FCRL2: variants seen among roughly 807,000 people sequenced by gnomAD.
FCRL2 encodes the protein Fc receptor like 2, also known as Fc receptor-like protein 2.
FCRL2 carries 48 observed loss-of-function variants against 59.8 expected under a neutral mutation model. The ratio of observed to expected loss-of-function variants is 0.80; its 90% CI spans 0.64 to 1.02. The LOEUF is 1.02. FCRL2 is among the 50% of genes least tolerant of loss of function. The probability of loss-of-function intolerance (pLI) is 0.00; values close to 1 mark genes in which losing one functional copy is unlikely to be tolerated. For missense variants in FCRL2, 658 were observed against 597.3 expected (o/e 1.10, Z -1.06); for synonymous variants, 251 against 229.5 (o/e 1.09, Z -0.85).
intron 5 of FCRL2, chr1:157,767,775 A>G (rs1011145647): frequency 1.2e-4 from 154 of 1,266,262 alleles, no homozygotes; most frequent in Non-Finnish European, 1.5e-4. Context: ...AGCCCTCTTC[A>G]TATTTCTTTT....
chr1:157,768,625 C>T lies in FCRL2; in HGVS notation c.672G>A (p.Leu224=), dbSNP rs765602929. ...GQVTEGQKLI[L]LCSVAGGTGN... ...CTGTACCCCCAGCCACTGAGCAGAGCAGGATCAGTTTTTGTCCTTCAGTCA... is the reference window on the plus strand; with the variant it reads ...CTGTACCCCCAGCCACTGAGCAGAGTAGGATCAGTTTTTGTCCTTCAGTCA... The change falls in exon 5 of 12, where the codon CTG becomes CTA. Residue 224 remains leucine, a synonymous_variant. Coordinates refer to ENST00000361516, the MANE Select transcript of FCRL2 (RefSeq NM_030764.4). 1.2e-6 allele frequency: 2 copies of T among 1,614,060 alleles called. No individual in the cohort carries two copies. The highest frequency in any genetic ancestry group is 1.1e-5 in the South Asian group (1 of 91,088).
rs536333378 is a variant in FCRL2, at chr1:157,749,753, C to T, written c.1280-76G>A. On this transcript the variant is annotated intron_variant, in intron 7 of 11. Transcript: ENST00000361516. ...TTAAAATTTTGACATGATTTAACTACGTATAATCAGCTGGTAAGACATAAG... is the reference window on the plus strand; with the variant it reads ...TTAAAATTTTGACATGATTTAACTATGTATAATCAGCTGGTAAGACATAAG... The T allele has an allele frequency of 1.6e-4, 178 of 1,106,528 alleles. No individual in the cohort carries two copies. The East Asian group carries it at 2.3e-3, about 14-fold the overall frequency. 68.5% of individuals were successfully genotyped at this position (1,106,528 alleles called of 1,614,324 possible).
chr1:157,756,595 C>T (rs1424090567), intron 7 of FCRL2, among the ~76,000 whole-genome samples: 2 of 151,830 alleles, frequency 1.3e-5, no homozygotes, highest in African/African-American at 4.8e-5. Context: ...AAGAGGATCA[C>T]CTGAACTTGG....
intron 7 of FCRL2, among the ~76,000 whole-genome samples, chr1:157,755,944 T>G (rs12083047): frequency 1.3e-5 from 2 of 152,338 alleles, no homozygotes; most frequent in Admixed American, 6.5e-5. Context: ...ACTGTCATAT[T>G]CTTTGATATT....
In FCRL2 at chr1:157,769,993, C is replaced by A; in HGVS notation, c.468G>T (p.Trp156Cys). 6.2e-7 allele frequency: 1 copy of A among 1,614,156 alleles called. No homozygotes were observed. The highest frequency in any genetic ancestry group is 8.5e-7 in the Non-Finnish European group (1 of 1,180,032). ...FRENQVLGSGWSSSPELQISA... is the reference protein window; with the variant it reads ...FRENQVLGSGCSSSPELQISA... ...AAATCTGGAGCTCCGGAGAGCTGCT[C>A]CAGCCTGACCCCAGGACCTGGTTTT... The change falls in exon 4 of 12, where the codon TGG becomes TGT. Residue 156 changes from tryptophan to cysteine, a missense_variant. Trp to Cys is a radical substitution (Grantham distance 215). Coordinates refer to ENST00000361516, the MANE Select transcript of FCRL2 (RefSeq NM_030764.4).
intron 10 of FCRL2, among the ~76,000 whole-genome samples, chr1:157,748,023 T>C (rs963085272): frequency 1.3e-5 from 2 of 152,098 alleles, no homozygotes; most frequent in African/African-American, 2.4e-5. Flanking sequence ...TCACCCTATT[T>C]TTTTTTTTAA....
chr1:157,755,629 A>C (rs1382041427), intron 7 of FCRL2, among the ~76,000 whole-genome samples: 1 of 152,354 alleles, frequency 6.6e-6, no homozygotes, highest in Non-Finnish European at 1.5e-5. Context: ...ATCAATAGGT[A>C]ATCATTAACA....
Position 157,745,983 on chromosome 1 carries a change from C to A in FCRL2, c.*753G>T. 1 of 152,118 alleles carries A rather than the reference C, an allele frequency of 6.6e-6. No homozygotes were observed. Among genetic ancestry groups the A allele is most frequent in the Non-Finnish European group, 1.5e-5 (1 of 68,020 alleles). 9.4% of individuals were successfully genotyped at this position (152,118 alleles called of 1,614,324 possible). A position where few individuals can be genotyped will look rare whatever the true frequency, so the allele number is the denominator to read the frequency against. ...AGTCGATGCACATAAAGAAGAAAATCTGGAGGAAACGGCTAAATTCCTGGA... is the reference window on the plus strand; with the variant it reads ...AGTCGATGCACATAAAGAAGAAAATATGGAGGAAACGGCTAAATTCCTGGA... On this transcript the variant is annotated 3_prime_UTR_variant, in exon 12 of 12. Coordinates refer to ENST00000361516, the MANE Select transcript of FCRL2 (RefSeq NM_030764.4).
At chr1:157,754,629 T>C (rs1179172440) in intron 7 of FCRL2, among the ~76,000 whole-genome samples, 1 of 151,880 alleles carries the variant, frequency 6.6e-6, no homozygotes, top group Non-Finnish European at 1.5e-5. Flanking sequence ...CAGTAACAGA[T>C]GGATCAAAAA....
chr1:157,772,943 G>A (rs888690445), intron 2 of FCRL2, among the ~76,000 whole-genome samples: 1 of 151,990 alleles, frequency 6.6e-6, no homozygotes, highest in African/African-American at 2.4e-5. Flanking sequence ...TGCCCACACT[G>A]GTGCCAAGCC....
At chr1:157,759,961 T>C (rs1648895592) in intron 7 of FCRL2, among the ~76,000 whole-genome samples, 1 of 152,222 alleles carries the variant, frequency 6.6e-6, no homozygotes, top group Non-Finnish European at 1.5e-5. Flanking sequence ...CAAAGGAATA[T>C]AAATCGTTCT....
chr1:157,772,811 C>T (rs1288223512), intron 2 of FCRL2, among the ~76,000 whole-genome samples: 1 of 152,192 alleles, frequency 6.6e-6, no homozygotes, highest in East Asian at 1.9e-4. Flanking sequence ...CCACTCCTTG[C>T]ACTGAAAGCA....
At chr1:157,770,243 C>A in intron 3 of FCRL2, 93 bp from the exon 4 acceptor site, 1 of 1,495,496 alleles carries the variant, frequency 6.7e-7, no homozygotes, top group South Asian at 1.3e-5. Flanking sequence ...GCAAACAGGA[C>A]ATTCAGAGCT....
At chr1:157,762,686 A>T (rs540073321) in intron 7 of FCRL2, among the ~76,000 whole-genome samples, 2 of 152,276 alleles carry the variant, frequency 1.3e-5, no homozygotes, top group African/African-American at 4.8e-5. Context: ...GAATTTTTTA[A>T]ATGGCAAGGG....
intron 7 of FCRL2, among the ~76,000 whole-genome samples, chr1:157,758,861 T>A (rs551919909): frequency 6.6e-6 from 1 of 152,264 alleles, no homozygotes; most frequent in East Asian, 1.9e-4. Context: ...GCTGATGGGA[T>A]AACTGGCTAA....
chr1:157,750,650 G>A (rs1306387464), intron 7 of FCRL2, among the ~76,000 whole-genome samples: 1 of 152,190 alleles, frequency 6.6e-6, no homozygotes, highest in Non-Finnish European at 1.5e-5. Flanking sequence ...AGTTTTCCAA[G>A]GAGAAGGTAA....
At chr1:157,746,825 G>C in intron 11 of FCRL2, 46 bp downstream of exon 11, 1 of 1,613,732 alleles carries the variant, frequency 6.2e-7, no homozygotes, top group South Asian at 1.1e-5. Flanking sequence ...AAAATAAATA[G>C]GGAGAAGGAA....
chr1:157,767,816 G>A, intron 5 of FCRL2: 1 of 841,106 alleles, frequency 1.2e-6, no homozygotes, highest in Non-Finnish European at 1.7e-6. Context: ...TTTTTTATTA[G>A]GAAATAATTT....
At chr1:157,756,333 T>C (rs11807382) in intron 7 of FCRL2, among the ~76,000 whole-genome samples, 5,878 of 152,302 alleles carry the variant, frequency 0.039, 196 homozygotes, top group South Asian at 0.17. Context: ...AATTAAGTCA[T>C]CTACTTGAAA....
Sources: gnomAD v4.1 joint callset for allele counts (sites outside exome capture counted in the v4.1 genomes callset) on GRCh38, gnomAD v4.1.1 for gene constraint, MANE v1.5 for transcripts, NCBI Gene and HGNC (gene_info 2026-07-23, HGNC 2026-07-21) for gene names.